MGAT4C: variants seen among roughly 807,000 people sequenced by gnomAD.
The protein encoded by MGAT4C is alpha-1,3-mannosyl-glycoprotein 4-beta-N-acetylglucosaminyltransferase C.
A neutral mutation model predicts 40.1 loss-of-function variants in MGAT4C; 19 were observed. The ratio of observed to expected loss-of-function variants is 0.47; its 90% confidence interval spans 0.33 to 0.70. The LOEUF (loss-of-function observed/expected upper bound fraction) is 0.70. MGAT4C is among the 30% of genes least tolerant of loss of function. The pLI is 0.02. For missense variants in MGAT4C, 491 were observed against 563.2 expected, an observed-to-expected ratio of 0.87 and a Z score of 1.30; for synonymous variants, 181 against 187.1, an observed-to-expected ratio of 0.97 and a Z score of 0.27.
intron 1 of MGAT4C, among the ~76,000 whole-genome samples, chr12:86,813,706 A>G (rs1343199336): frequency 6.6e-6 from 1 of 152,086 alleles, no homozygotes; most frequent in African/African-American, 2.4e-5. Flanking sequence ...CACCTTGTTC[A>G]GTTTCATCCA....
intron 3 of MGAT4C, among the ~76,000 whole-genome samples, chr12:86,364,596 A>G (rs949732263): frequency 1.3e-5 from 2 of 152,078 alleles, no homozygotes; most frequent in South Asian, 2.1e-4. Context: ...TATTGGGCAA[A>G]ATTCACCCCC....
At chr12:86,744,257 C>T (rs1448900242) in intron 1 of MGAT4C, among the ~76,000 whole-genome samples, 1 of 151,372 alleles carries the variant, frequency 6.6e-6, no homozygotes, top group Non-Finnish European at 1.5e-5. Context: ...CTACCATATT[C>T]TCTCCTGAGG....
intron 1 of MGAT4C, among the ~76,000 whole-genome samples, chr12:86,165,660 A>G (rs1401447105): frequency 1.3e-5 from 2 of 152,180 alleles, no homozygotes; most frequent in African/African-American, 4.8e-5. Flanking sequence ...AGTGCTACTA[A>G]AATTGCCAAT....
intron 2 of MGAT4C, among the ~76,000 whole-genome samples, chr12:86,009,998 T>C (rs1348490141): frequency 6.6e-6 from 1 of 152,168 alleles, no homozygotes; most frequent in Non-Finnish European, 1.5e-5. Flanking sequence ...ACTGAAGAAA[T>C]TCAGAAAAAT....
chr12:86,105,296 T>A (rs536491945), intron 1 of MGAT4C, among the ~76,000 whole-genome samples: 1 of 152,228 alleles, frequency 6.6e-6, no homozygotes, highest in Admixed American at 6.5e-5. Flanking sequence ...TGATTGAATA[T>A]CAGAGAATGT....
intron 2 of MGAT4C, among the ~76,000 whole-genome samples, chr12:86,595,903 T>A (rs1961519199): frequency 6.6e-6 from 1 of 151,814 alleles, no homozygotes; most frequent in South Asian, 2.1e-4. Context: ...AACTCCAGTA[T>A]CACCACCTCC....
chr12:86,126,712 C>G (rs1425735881), intron 1 of MGAT4C, among the ~76,000 whole-genome samples: 1 of 152,124 alleles, frequency 6.6e-6, no homozygotes, highest in Non-Finnish European at 1.5e-5. Context: ...TCATGTGCAG[C>G]TTAACAACAG....
chr12:86,263,187 A>T (rs1331957310), intron 4 of MGAT4C, among the ~76,000 whole-genome samples: 5 of 152,094 alleles, frequency 3.3e-5, no homozygotes, highest in Non-Finnish European at 7.4e-5. Context: ...CTAAATTTTT[A>T]TTTGTGTAAA....
At chr12:86,438,848 C>T (rs1206752173) in intron 2 of MGAT4C, among the ~76,000 whole-genome samples, 4 of 151,348 alleles carry the variant, frequency 2.6e-5, no homozygotes, top group African/African-American at 9.7e-5. Flanking sequence ...TGAAACAGAA[C>T]TTAAAGCAAC....
chr12:86,789,602 T>A (rs1233402482), intron 1 of MGAT4C, among the ~76,000 whole-genome samples: 2 of 152,122 alleles, frequency 1.3e-5, no homozygotes, highest in Admixed American at 6.6e-5. Context: ...ATACATGTTT[T>A]ATCTGTGAAC....
chr12:86,332,079 C>A (rs1044945735), intron 4 of MGAT4C, among the ~76,000 whole-genome samples: 14 of 151,988 alleles, frequency 9.2e-5, no homozygotes, highest in Non-Finnish European at 1.9e-4. Flanking sequence ...AAGAGTCTTT[C>A]TTTGCTACTT....
chr12:86,577,038 T>A (rs546829441), intron 2 of MGAT4C, among the ~76,000 whole-genome samples: 3 of 151,690 alleles, frequency 2.0e-5, no homozygotes, highest in Non-Finnish European at 3.0e-5. Context: ...TCTTTTGTTA[T>A]GTTAATTCCT....
intron 2 of MGAT4C, among the ~76,000 whole-genome samples, chr12:86,446,136 T>C (rs1242966835): frequency 6.6e-6 from 1 of 152,028 alleles, no homozygotes; most frequent in Non-Finnish European, 1.5e-5. Context: ...TAGAATAAAA[T>C]TTATTGTGAT....
chr12:86,627,613 G>A (rs1006706033), intron 2 of MGAT4C, among the ~76,000 whole-genome samples: 1 of 152,180 alleles, frequency 6.6e-6, no homozygotes, highest in Non-Finnish European at 1.5e-5. Context: ...ATCTGGAGTG[G>A]AGCTCCAGCA....
intron 1 of MGAT4C, among the ~76,000 whole-genome samples, chr12:86,750,870 T>C (rs12367354): frequency 0.038 from 5,724 of 151,988 alleles, 147 homozygotes; most frequent in Non-Finnish European, 0.048. Flanking sequence ...AGGCCAGACA[T>C]GTAGGCTAGA....
At chr12:86,030,516 G>T (rs1890649880) in intron 2 of MGAT4C, among the ~76,000 whole-genome samples, 1 of 151,574 alleles carries the variant, frequency 6.6e-6, no homozygotes, top group South Asian at 2.1e-4. Flanking sequence ...CACTGAAAAG[G>T]TTTACTAGTA....
chr12:86,750,088 T>TGGG (rs1162765378), intron 1 of MGAT4C, among the ~76,000 whole-genome samples: 7 of 151,782 alleles, frequency 4.6e-5, no homozygotes, highest in African/African-American at 1.7e-4. Context: ...TTTAGACAAA[T>TGGG]GGGAAGATTC....
intron 2 of MGAT4C, among the ~76,000 whole-genome samples, chr12:86,459,701 C>G (rs1957567122): frequency 8.5e-6 from 1 of 117,484 alleles, no homozygotes; most frequent in African/African-American, 3.2e-5. Flanking sequence ...CCCGCCCCGC[C>G]CCCCACCCAC....
chr12:86,067,612 C>G (rs897984609), intron 1 of MGAT4C, among the ~76,000 whole-genome samples: 1 of 151,894 alleles, frequency 6.6e-6, no homozygotes, highest in Non-Finnish European at 1.5e-5. Context: ...ATGTAGATGA[C>G]GGGTTGATGG....
Sources: allele counts gnomAD v4.1 joint callset (sites outside exome capture counted in the v4.1 genomes callset), GRCh38; gene constraint gnomAD v4.1.1; transcripts MANE v1.5; gene names NCBI Gene and HGNC (gene_info 2026-07-23, HGNC 2026-07-21).